EARS2: variants seen among roughly 807,000 people sequenced by gnomAD.
EARS2 encodes the protein nondiscriminating glutamyl-tRNA synthetase EARS2, mitochondrial.
In EARS2, 50 loss-of-function variants were observed where a neutral mutation model predicts 54.1. The observed-to-expected ratio is 0.92, with a 90% CI of 0.74 to 1.17. EARS2 has a LOEUF of 1.17. Ranked by LOEUF, EARS2 falls within the 50% of genes most tolerant of loss-of-function variation. The pLI, the probability that EARS2 is intolerant of heterozygous loss-of-function variation, is 0.00. For missense variants in EARS2, 673 were observed against 675.0 expected (o/e 1.00, Z 0.03); for synonymous variants, 298 against 281.0 (o/e 1.06, Z -0.61).
intron 1 of EARS2, among the ~76,000 whole-genome samples, chr16:23,552,827 T>C (rs1251803915): frequency 1.3e-5 from 2 of 152,220 alleles, no homozygotes; most frequent in East Asian, 3.9e-4. Context: ...GATTTTGCCA[T>C]GGTGGTCAGG....
chr16:23,532,889 T>A, intron 4 of EARS2, 124 bp from the exon 5 acceptor site: 1 of 592,744 alleles, frequency 1.7e-6, no homozygotes, highest in Non-Finnish European at 2.9e-6. Context: ...GGTACAATCC[T>A]AGCTCACTGT....
chr16:23,527,314 A>G lies in EARS2; in HGVS notation c.1353-1935T>C, dbSNP rs145766017. Among the ~76,000 whole-genome samples, 850 of 152,274 alleles carry G rather than the reference A, an allele frequency of 5.6e-3. 9 individuals are homozygous for G. The highest frequency in any genetic ancestry group is 0.019 in the African/African-American group (805 of 41,568). On this transcript the variant is annotated intron_variant, in intron 7 of 8. Transcript: ENST00000449606. ...TCCAACATGGAAACACTGAAGAGGAACTGGGGCTGGACATCTTTCTGGTGC... is the reference window on the plus strand; with the variant it reads ...TCCAACATGGAAACACTGAAGAGGAGCTGGGGCTGGACATCTTTCTGGTGC...
intron 2 of EARS2, among the ~76,000 whole-genome samples, chr16:23,550,284 T>C (rs573406680): frequency 2.0e-4 from 31 of 151,950 alleles, no homozygotes; most frequent in Admixed American, 1.2e-3. Flanking sequence ...AGAGGATCCC[T>C]TGAGCTCAGG....
At chr16:23,556,624 G>T (rs931539057) in intron 1 of EARS2, 55 of 313,288 alleles carry the variant, frequency 1.8e-4, no homozygotes, top group South Asian at 1.2e-3. Context: ...CTCCCAAAGT[G>T]CTGGGATTAC....
chr16:23,524,565 T>C, intron 8 of EARS2, 111 bp from the exon 9 acceptor site: 1 of 912,724 alleles, frequency 1.1e-6, no homozygotes, highest in Non-Finnish European at 1.8e-6. Flanking sequence ...CACTGCTGCC[T>C]GTGTTCTGAG....
At chr16:23,541,928 A>G (rs1965519233) in intron 3 of EARS2, among the ~76,000 whole-genome samples, 1 of 150,476 alleles carries the variant, frequency 6.6e-6, no homozygotes, top group Admixed American at 6.7e-5. Context: ...GCATGATCTC[A>G]GCTCACTGCA....
chr16:23,556,502 G>A (rs1280785887), intron 1 of EARS2, among the ~76,000 whole-genome samples: 1 of 152,206 alleles, frequency 6.6e-6, no homozygotes, highest in Non-Finnish European at 1.5e-5. Context: ...TTACAGGCAT[G>A]CGCCACCATG....
In EARS2 at chr16:23,524,299, T is replaced by G; in HGVS notation, c.*72A>C. 7.3e-7 allele frequency: 1 copy of G among 1,377,882 alleles called. No homozygotes were observed. The highest frequency in any genetic ancestry group is 1.0e-6 in the Non-Finnish European group (1 of 966,040). The allele number at this position is 1,377,882 out of a possible 1,614,324, so 85.4% of individuals were successfully genotyped here. A position where few individuals can be genotyped will look rare whatever the true frequency, so the allele number is the denominator to read the frequency against. ...CTTCCCGACGGGCCCCAGGCCTCCT[T>G]CTGGTCTCTGAAAGCTGTTTCTAAG... On this transcript the variant is annotated 3_prime_UTR_variant, in exon 9 of 9. Coordinates refer to ENST00000449606, the MANE Select transcript of EARS2 (RefSeq NM_001083614.2).
chr16:23,543,686 T>C (rs1401932711), intron 3 of EARS2, among the ~76,000 whole-genome samples: 3 of 150,380 alleles, frequency 2.0e-5, no homozygotes, highest in South Asian at 2.1e-4. Context: ...TGAGCCAAGA[T>C]TGCACCACTG....
At position 23,557,242 on chromosome 16, in the gene EARS2, C is replaced by G. The variant is rs1597032670; in HGVS notation, c.102G>C (p.Gly34=). 1.3e-6 allele frequency: 2 copies of G among 1,520,610 alleles called. No individual in the cohort carries two copies. Among genetic ancestry groups the G allele is most frequent in the Non-Finnish European group, 1.7e-6 (2 of 1,143,872 alleles). 94.2% of individuals were successfully genotyped at this position (1,520,610 alleles called of 1,614,324 possible). The change falls in exon 1 of 9, where the codon GGG becomes GGC. Residue 34 remains glycine, a synonymous_variant. Transcript: ENST00000449606. ...RREANLGTDA[G]VAVRVRFAPS... is the part of the protein sequence containing the mutation. ...GAGCGAACCGCACTCGCACCGCAAC[C>G]CCGGCATCAGTGCCCAGGTTGGCCT...
At chr16:23,556,450 G>A (rs895255513) in intron 1 of EARS2, among the ~76,000 whole-genome samples, 6 of 152,176 alleles carry the variant, frequency 3.9e-5, no homozygotes, top group East Asian at 3.8e-4. Context: ...CACCTCCTGC[G>A]TTCAAGCGAT....
At chr16:23,532,815 T>G in intron 4 of EARS2, 50 bp from the exon 5 acceptor site, 1 of 1,322,106 alleles carries the variant, frequency 7.6e-7, no homozygotes, top group Non-Finnish European at 1.1e-6. Context: ...CCCTTCCTCC[T>G]TCCACTTTAT....
At chr16:23,542,316 CTTTTTT>C (rs745418385) in intron 3 of EARS2, among the ~76,000 whole-genome samples, 3 of 93,698 alleles carry the variant, frequency 3.2e-5, no homozygotes, top group Non-Finnish European at 5.9e-5. Context: ...TTTCATTTTT[CTTTTTT>C]TTTTTTTTTT....
chr16:23,542,117 C>T (rs1053197495), intron 3 of EARS2, among the ~76,000 whole-genome samples: 2 of 151,724 alleles, frequency 1.3e-5, no homozygotes, highest in African/African-American at 4.8e-5. Flanking sequence ...CTCGGCTTCC[C>T]AACGTACGGG....
At chr16:23,530,662 G>A (rs1253735832) in intron 5 of EARS2, among the ~76,000 whole-genome samples, 1 of 152,106 alleles carries the variant, frequency 6.6e-6, no homozygotes, top group Non-Finnish European at 1.5e-5. Flanking sequence ...GAGGCCAGGA[G>A]TTTAAGACCA....
At chr16:23,528,913 C>A (rs1965274861) in intron 7 of EARS2, among the ~76,000 whole-genome samples, 1 of 152,126 alleles carries the variant, frequency 6.6e-6, no homozygotes, top group Admixed American at 6.6e-5. Context: ...GAGAGTCTTG[C>A]CCTCTAGTTA....
chr16:23,526,830 T>G (rs1412876900), intron 7 of EARS2, among the ~76,000 whole-genome samples: 1 of 152,176 alleles, frequency 6.6e-6, no homozygotes, highest in Non-Finnish European at 1.5e-5. Flanking sequence ...TCAGGAGAAA[T>G]TCTCCATTCA....
At chr16:23,548,509 C>A (rs1293008873) in intron 2 of EARS2, among the ~76,000 whole-genome samples, 1 of 152,108 alleles carries the variant, frequency 6.6e-6, no homozygotes, top group Non-Finnish European at 1.5e-5. Flanking sequence ...GGCGTGGTAC[C>A]TGATAAGTAG....
intron 3 of EARS2, among the ~76,000 whole-genome samples, chr16:23,540,421 T>G (rs753056048): frequency 6.6e-6 from 1 of 152,202 alleles, no homozygotes; most frequent in African/African-American, 2.4e-5. Flanking sequence ...CTTGACCAAA[T>G]AGTTCACTGG....
Sources: allele counts gnomAD v4.1 joint callset (sites outside exome capture counted in the v4.1 genomes callset), GRCh38; gene constraint gnomAD v4.1.1; transcripts MANE v1.5; gene names NCBI Gene and HGNC (gene_info 2026-07-23, HGNC 2026-07-21).